The following LPP variants were observed in gnomAD, a reference collection of about 807,000 sequenced individuals.
The protein encoded by LPP is LIM domain containing preferred translocation partner in lipoma, also known as lipoma-preferred partner.
A neutral mutation model predicts 60.4 loss-of-function variants in LPP; 38 were observed. That is an observed-to-expected ratio of 0.63 (90% CI 0.49 to 0.83). The LOEUF is 0.83. Ranked by LOEUF, LPP falls within the 40% of genes least tolerant of loss-of-function variation. The probability of loss-of-function intolerance (pLI) is 0.00; values close to 1 mark genes in which losing one functional copy is unlikely to be tolerated. For missense variants in LPP, 902 were observed against 783.6 expected (o/e 1.15, Z -1.80); for synonymous variants, 328 against 290.8 (o/e 1.13, Z -1.30).
At chr3:188,753,976 C>G (rs1729209861) in intron 8 of LPP, among the ~76,000 whole-genome samples, 1 of 152,178 alleles carries the variant, frequency 6.6e-6, no homozygotes, top group Admixed American at 6.5e-5. Context: ...CTCTTGTATT[C>G]ACAGAGCTAA....
At chr3:188,733,591 T>C (rs1314991783) in intron 8 of LPP, among the ~76,000 whole-genome samples, 1 of 152,230 alleles carries the variant, frequency 6.6e-6, no homozygotes, top group East Asian at 1.9e-4. Context: ...AATTCAATTT[T>C]TGTTGCTACT....
At chr3:188,417,596 G>A (rs1310985003) in intron 4 of LPP, among the ~76,000 whole-genome samples, 13 of 152,230 alleles carry the variant, frequency 8.5e-5, no homozygotes, top group South Asian at 6.2e-4. Flanking sequence ...ATGTTCTAGC[G>A]TGCTCTGAAA....
chr3:188,657,846 A>G (rs1477141512), intron 7 of LPP, among the ~76,000 whole-genome samples: 2 of 152,208 alleles, frequency 1.3e-5, no homozygotes, highest in African/African-American at 4.8e-5. Flanking sequence ...TTCCATTTGT[A>G]AATATGCATG....
At chr3:188,435,264 A>G (rs1008361824) in intron 4 of LPP, among the ~76,000 whole-genome samples, 4 of 152,116 alleles carry the variant, frequency 2.6e-5, no homozygotes, top group South Asian at 2.1e-4. Context: ...TGGAGTCTTA[A>G]TTGTCTCCTT....
intron 5 of LPP, among the ~76,000 whole-genome samples, chr3:188,519,257 C>T (rs956348047): frequency 2.0e-5 from 3 of 152,196 alleles, no homozygotes; most frequent in Non-Finnish European, 4.4e-5. Flanking sequence ...GACCCTTGAG[C>T]TTCCTGATGG....
At chr3:188,407,790 T>TTTTTG (rs1560364541) in intron 4 of LPP, among the ~76,000 whole-genome samples, 2 of 76,322 alleles carry the variant, frequency 2.6e-5, no homozygotes, top group Non-Finnish European at 4.9e-5. Flanking sequence ...GTTTGTTTGT[T>TTTTTG]TTTTTTTTTT....
chr3:188,458,322 C>A (rs1798230188), intron 4 of LPP, among the ~76,000 whole-genome samples: 1 of 152,158 alleles, frequency 6.6e-6, no homozygotes, highest in African/African-American at 2.4e-5. Flanking sequence ...AGATGGACTT[C>A]TTGATTTTGA....
intron 3 of LPP, among the ~76,000 whole-genome samples, chr3:188,390,604 C>T (rs1387471293): frequency 6.6e-6 from 1 of 151,010 alleles, no homozygotes; most frequent in Non-Finnish European, 1.5e-5. Flanking sequence ...GTTTAGACGT[C>T]TTACTAGATC....
chr3:188,192,257 T>C (rs1455367257), intron 1 of LPP, among the ~76,000 whole-genome samples: 1 of 152,050 alleles, frequency 6.6e-6, no homozygotes, highest in Non-Finnish European at 1.5e-5. Context: ...GAATAGGAGT[T>C]TGGTAAAGAA....
chr3:188,395,952 CAAAT>C (rs1329791520), intron 3 of LPP, among the ~76,000 whole-genome samples: 4 of 151,758 alleles, frequency 2.6e-5, no homozygotes, highest in South Asian at 2.1e-4. Context: ...TAAAAATAAA[CAAAT>C]AAATAAATTA....
At chr3:188,421,873 C>T (rs925956172) in intron 4 of LPP, among the ~76,000 whole-genome samples, 1 of 152,124 alleles carries the variant, frequency 6.6e-6, no homozygotes, top group African/African-American at 2.4e-5. Flanking sequence ...AAAGCCTGGC[C>T]GTGATCTTAC....
rs1769487833 is a variant in LPP, at chr3:188,878,309, C to A, written c.*3830C>A. ...AAATTATGGCAGCTGCTAGGGAGAT[C>A]AGGGAAACACTGATGTAACCTCAAA... On this transcript the variant is annotated 3_prime_UTR_variant, in exon 12 of 12. Coordinates refer to ENST00000617246, the MANE Select transcript of LPP (RefSeq NM_001375462.1). 1 of 220,192 alleles carries A rather than the reference C, an allele frequency of 4.5e-6. No homozygotes were observed. Among genetic ancestry groups the A allele is most frequent in the Non-Finnish European group, 9.1e-6 (1 of 109,692 alleles). The allele number at this position is 220,192 out of a possible 1,614,324, so 13.6% of individuals were successfully genotyped here. A position where few individuals can be genotyped will look rare whatever the true frequency, so the allele number is the denominator to read the frequency against.
At chr3:188,155,349 T>C (rs1239745476) in intron 1 of LPP, among the ~76,000 whole-genome samples, 1 of 152,222 alleles carries the variant, frequency 6.6e-6, no homozygotes, top group African/African-American at 2.4e-5. Context: ...GTCCCCTTTC[T>C]CTTTCCATTC....
At chr3:188,849,475 T>G (rs921183487) in intron 9 of LPP, among the ~76,000 whole-genome samples, 7 of 152,228 alleles carry the variant, frequency 4.6e-5, no homozygotes, top group African/African-American at 1.7e-4. Flanking sequence ...CATAAAGATG[T>G]GATTTTTAAT....
intron 6 of LPP, among the ~76,000 whole-genome samples, chr3:188,535,155 A>C (rs1035603723): frequency 6.6e-6 from 1 of 152,120 alleles, no homozygotes; most frequent in East Asian, 1.9e-4. Context: ...TGGGTCCTGC[A>C]CTCACACTCC....
At chr3:188,349,521 G>T (rs1232555059) in intron 3 of LPP, among the ~76,000 whole-genome samples, 1 of 152,190 alleles carries the variant, frequency 6.6e-6, no homozygotes, top group Non-Finnish European at 1.5e-5. Flanking sequence ...AAGTGCCTGG[G>T]GTTGCCTCTG....
intron 1 of LPP, among the ~76,000 whole-genome samples, chr3:188,198,620 G>C (rs556709440): frequency 7.2e-5 from 11 of 152,344 alleles, no homozygotes; most frequent in Admixed American, 5.9e-4. Context: ...TAGAGAGGTA[G>C]CATCACCTCC....
chr3:188,496,238 G>A (rs142435626), intron 5 of LPP, among the ~76,000 whole-genome samples: 1,880 of 151,912 alleles, frequency 0.012, 40 homozygotes, highest in African/African-American at 0.044. Context: ...CCATTCTCCC[G>A]CCTCAGCCTC....
intron 4 of LPP, among the ~76,000 whole-genome samples, chr3:188,424,303 C>T (rs551713928): frequency 5.9e-5 from 9 of 152,184 alleles, no homozygotes; most frequent in Admixed American, 2.6e-4. Context: ...TGTTCTGTTT[C>T]ATTGGTCTAT....
Sources: gnomAD v4.1 joint callset for allele counts (sites outside exome capture counted in the v4.1 genomes callset) on GRCh38, gnomAD v4.1.1 for gene constraint, MANE v1.5 for transcripts, NCBI Gene and HGNC (gene_info 2026-07-23, HGNC 2026-07-21) for gene names.